Variants in DSP observed in about 807,000 individuals in gnomAD.
DSP encodes desmoplakin.
DSP carries 114 observed loss-of-function variants against 290.6 expected under a neutral mutation model. The observed-to-expected ratio is 0.39, with a 90% CI of 0.34 to 0.46. The LOEUF is 0.46. DSP is among the 20% of genes least tolerant of loss of function. The pLI is 0.99. For synonymous variants in DSP, 1,311 were observed against 1,316.4 expected (o/e 1.00, Z 0.09); for missense variants, 3,230 against 3,495.8 (o/e 0.92, Z 1.92).
At chr6:7,575,236 G>T in intron 17 of DSP, 59 bp from the exon 18 acceptor site, 3 of 1,577,432 alleles carry the variant, frequency 1.9e-6, no homozygotes, top group East Asian at 2.2e-5. Flanking sequence ...GTGACTTGTA[G>T]TGTAGCATAC....
intron 1 of DSP, among the ~76,000 whole-genome samples, chr6:7,551,009 ATTAT>A (rs1581786836): frequency 6.6e-6 from 1 of 152,280 alleles, no homozygotes; most frequent in East Asian, 1.9e-4. Flanking sequence ...TCATTTTAAA[ATTAT>A]TTCTTTATCC....
chr6:7,551,462 C>T (rs927756045), intron 1 of DSP, among the ~76,000 whole-genome samples: 1 of 152,006 alleles, frequency 6.6e-6, no homozygotes, highest in Admixed American at 6.6e-5. Context: ...AACCCTGTCT[C>T]TACTAAAAAT....
chr6:7,552,562 C>CG (rs1381803736), intron 1 of DSP, among the ~76,000 whole-genome samples: 15 of 112,600 alleles, frequency 1.3e-4, no homozygotes, highest in Non-Finnish European at 2.7e-4. Context: ...GACTCCATCT[C>CG]GGAAAAAAAA....
chr6:7,586,031 A>C lies in DSP; in HGVS notation c.*153A>C. 1.2e-6 allele frequency: 1 copy of C among 805,694 alleles called. No individual in the cohort carries two copies. The highest frequency in any genetic ancestry group is 2.0e-6 in the Non-Finnish European group (1 of 508,982). The allele number at this position is 805,694 out of a possible 1,614,324, so 49.9% of individuals were successfully genotyped here. A position where few individuals can be genotyped will look rare whatever the true frequency, so the allele number is the denominator to read the frequency against. ...TAGCCATGATTGAAATCAAATAGTA[A>C]AGGCTGTTCTGGCTTTTTATCTTCT... On this transcript the variant is annotated 3_prime_UTR_variant, in exon 24 of 24. Transcript: ENST00000379802.
intron 4 of DSP, among the ~76,000 whole-genome samples, chr6:7,560,349 A>T (rs1344646710): frequency 1.3e-5 from 2 of 152,232 alleles, no homozygotes; most frequent in Non-Finnish European, 2.9e-5. Flanking sequence ...ACATTTATTC[A>T]TTCATTCAGT....
chr6:7,557,137 A>G (rs980610606), intron 2 of DSP, among the ~76,000 whole-genome samples: 1 of 152,260 alleles, frequency 6.6e-6, no homozygotes. Context: ...AAAATTCCAG[A>G]GAAAGATCAG....
At position 7,584,748 on chromosome 6, in the gene DSP, CTG is replaced by C. The variant is rs754354190; in HGVS notation, c.7491_7492del (p.Cys2497Ter). The C allele has an allele frequency of 6.2e-7, 1 of 1,614,190 alleles. No individual in the cohort carries two copies. Among genetic ancestry groups the C allele is most frequent in the South Asian group, 1.1e-5 (1 of 91,082 alleles). On this transcript the variant is annotated frameshift_variant, in exon 24 of 24. Transcript: ENST00000379802. LOFTEE classifies it high-confidence loss of function. The surrounding 1 kb of genome is among the most constrained non-coding windows in gnomAD (Gnocchi z 6.4). ...GLIDYETFKE[L>X]CEQECEWEEI... ...AATTGATTATGAAACCTTCAAAGAA[CTG>C]TGTGAGCAGGAATGTGAATGGGAAG...
intron 5 of DSP, among the ~76,000 whole-genome samples, chr6:7,563,307 A>G (rs561849395): frequency 7.1e-6 from 1 of 141,148 alleles, no homozygotes; most frequent in South Asian, 2.2e-4. Context: ...CTTGTAAATC[A>G]CTAAACTTTT....
Position 7,565,525 on chromosome 6 carries a change from G to T in DSP, c.939+5G>T, listed in dbSNP as rs751646570. 5.0e-6 allele frequency: 8 copies of T among 1,613,874 alleles called. No homozygotes were observed. The highest frequency in any genetic ancestry group is 6.8e-6 in the Non-Finnish European group (8 of 1,179,854). The stretch of plus-strand genomic sequence containing the variant: ...CAGAAACAGGAGGCCTTCTCCGTAA[G>T]TTCACCCCACGCGGCTGTAGATGCT... On this transcript the variant is annotated splice_donor_5th_base_variant and intron_variant, in intron 7 of 23. Coordinates refer to ENST00000379802, the MANE Select transcript of DSP (RefSeq NM_004415.4). This position sits in a 1 kb window ranked among gnomAD's most constrained non-coding sequence, Gnocchi z 4.2.
chr6:7,554,607 A>T (rs1758448822), intron 1 of DSP, among the ~76,000 whole-genome samples: 1 of 152,126 alleles, frequency 6.6e-6, no homozygotes, highest in South Asian at 2.1e-4. Context: ...ATGATTTTTA[A>T]AAAAAACATT....
rs397516969 is a variant in DSP at position 7,585,755 on chromosome 6, G to A, written c.8493G>A (p.Ser2831=). The A allele has an allele frequency of 1.4e-5, 23 of 1,609,454 alleles. No homozygotes were observed. Among genetic ancestry groups the A allele is most frequent in the Admixed American group, 3.4e-5 (2 of 59,276 alleles). The change falls in exon 24 of 24, where the codon TCG becomes TCA. Residue 2831 remains serine (S), a synonymous_variant. Transcript: ENST00000379802. ...SAPGSRSGSR[S]GSRSGSRSGS... is the part of the protein sequence containing the mutation. ...CGGGGTCCCGCTCCGGCTCCCGCTC[G>A]GGATCTCGCTCCGGATCTCGCTCCG...
Position 7,580,496 on chromosome 6 carries a change from A to G in DSP, c.4306A>G (p.Thr1436Ala), listed in dbSNP as rs755374785. 1 of 1,614,118 alleles carries G rather than the reference A, an allele frequency of 6.2e-7. No individual in the cohort carries two copies. Among genetic ancestry groups the G allele is most frequent in the Non-Finnish European group, 8.5e-7 (1 of 1,180,010 alleles). ...AGAAGACATCCAACAGCAAAAGGCC[A>G]CTGGCTCTGAGGTGTCTCAGAGGAA... is the stretch of plus-strand genomic sequence containing the variant. ...VEEDIQQQKATGSEVSQRKQQ... is the reference protein window; with the variant it reads ...VEEDIQQQKAAGSEVSQRKQQ... The change falls in exon 23 of 24, where the codon ACT becomes GCT. Residue 1436 changes from threonine (T) to alanine (A), a missense_variant. Transcript: ENST00000379802. The surrounding 1 kb of genome is among the most constrained non-coding windows in gnomAD (Gnocchi z 4.2).
At chr6:7,555,016 G>C (rs7774328) in intron 1 of DSP, among the ~76,000 whole-genome samples, 51,647 of 151,992 alleles carry the variant, frequency 0.34, 9,001 homozygotes, top group Middle Eastern at 0.42. Flanking sequence ...CGACTTGCCA[G>C]TGAAATCTTC....
chr6:7,547,122 C>T (rs972502519), intron 1 of DSP, among the ~76,000 whole-genome samples: 1 of 152,036 alleles, frequency 6.6e-6, no homozygotes, highest in African/African-American at 2.4e-5. Context: ...CAGTGCCTCA[C>T]CCCTTGATTT....
chr6:7,572,222 C>T (rs1306105855), intron 15 of DSP, among the ~76,000 whole-genome samples, 154 bp downstream of exon 15: 1 of 152,122 alleles, frequency 6.6e-6, no homozygotes, highest in Non-Finnish European at 1.5e-5. Flanking sequence ...ATTATGTTTC[C>T]AAATTTGTAG....
intron 12 of DSP, 128 bp downstream of exon 12, chr6:7,569,468 G>A: frequency 2.1e-6 from 3 of 1,397,196 alleles, no homozygotes; most frequent in Non-Finnish European, 3.0e-6. Context: ...TCTAAAAAAA[G>A]GAACCTTGTG....
At chr6:7,567,501 C>A in intron 9 of DSP, 52 bp downstream of exon 9, 1 of 1,416,342 alleles carries the variant, frequency 7.1e-7, no homozygotes, top group Non-Finnish European at 1.0e-6. Context: ...AATACCTAAT[C>A]TTTTGAGTGT....
In DSP at chr6:7,576,389, A is replaced by G; in HGVS notation, c.2726A>G (p.Gln909Arg). The G allele has an allele frequency of 6.2e-7, 1 of 1,614,162 alleles. No homozygotes were observed. The highest frequency in any genetic ancestry group is 8.5e-7 in the Non-Finnish European group (1 of 1,180,008). The change falls in exon 19 of 24, where the codon CAG (glutamine) becomes CGG (arginine). Residue 909 changes from glutamine to arginine, a missense_variant. Physicochemically the swap from Gln to Arg is conservative, Grantham distance 43. Around this residue, in one of 5 missense-constraint regions of DSP, gnomAD observed 1,714 missense variants for 1,844.5 expected, o/e 0.93. Transcript: ENST00000379802. ...TGGCTCTATGATGCTAAACGCCGCC[A>G]GGATTCCTTAGAATCCATGAAATTT... is the stretch of plus-strand genomic sequence containing the variant. The part of the protein sequence containing the change: ...CKWLYDAKRR[Q>R]DSLESMKFGD...
Position 7,585,351 on chromosome 6 carries a change from G to A in DSP, c.8089G>A (p.Gly2697Ser), listed in dbSNP as rs1422563330. 1.2e-6 allele frequency: 2 copies of A among 1,614,004 alleles called. No homozygotes were observed. Among genetic ancestry groups the A allele is most frequent in the South Asian group, 1.1e-5 (1 of 91,074 alleles). The change falls in exon 24 of 24, where the codon GGC becomes AGC. Residue 2697 changes from glycine (G) to serine (S), a missense_variant. Physicochemically the swap from Gly to Ser is moderately conservative, Grantham distance 56 (BLOSUM62 0). Coordinates refer to ENST00000379802, the MANE Select transcript of DSP (RefSeq NM_004415.4). ...GAAGCCTGCTCAGAAAGCCTTCATA[G>A]GCTTCGAGGGTGTGAAGGGAAAGAA... ...RLKPAQKAFIGFEGVKGKKKM... is the reference protein window; with the variant it reads ...RLKPAQKAFISFEGVKGKKKM...
Sources: gnomAD v4.1 joint callset for allele counts (sites outside exome capture counted in the v4.1 genomes callset) on GRCh38, gnomAD v4.1.1 for gene constraint, gnomAD v4.1.1 regional missense constraint, Gnocchi (gnomAD v3.1) non-coding constraint, MANE v1.5 for transcripts, NCBI Gene and HGNC (gene_info 2026-07-23, HGNC 2026-07-21) for gene names.